SRGAP1: variants seen among roughly 807,000 people sequenced by gnomAD.
SRGAP1 encodes the protein SLIT-ROBO Rho GTPase-activating protein 1.
In SRGAP1, 43 loss-of-function variants were observed where a neutral mutation model predicts 121.9. The ratio of observed to expected loss-of-function variants is 0.35; its 90% CI spans 0.28 to 0.46. The LOEUF is 0.46. Among genes scored for constraint, SRGAP1 ranks in the 20% least tolerant of loss-of-function variants. The pLI, the probability that SRGAP1 is intolerant of heterozygous loss-of-function variation, is 1.00. For synonymous variants in SRGAP1, 447 were observed against 485.4 expected (o/e 0.92, Z 1.04); for missense variants, 1,102 against 1,350.9 (o/e 0.82, Z 2.89).
intron 3 of SRGAP1, among the ~76,000 whole-genome samples, chr12:64,014,566 C>T (rs987069321): frequency 6.6e-6 from 1 of 152,114 alleles, no homozygotes; most frequent in African/African-American, 2.4e-5. Flanking sequence ...CCCCATGACA[C>T]AAGTTTACCT....
rs1169089543 is a variant in SRGAP1 at position 64,153,991 on chromosome 12, CA to C, written c.*11321del. 6.6e-6 allele frequency: 1 copy of C among 152,094 alleles called. No homozygotes were observed. Among genetic ancestry groups the C allele is most frequent in the African/African-American group, 2.4e-5 (1 of 41,406 alleles). 9.4% of individuals were successfully genotyped at this position (152,094 alleles called of 1,614,324 possible). A position where few individuals can be genotyped will look rare whatever the true frequency, so the allele number is the denominator to read the frequency against. On this transcript the variant is annotated 3_prime_UTR_variant, in exon 22 of 22. Transcript: ENST00000355086. ...AAGAAGGAATTCCTGTCATATGCCA[CA>C]ATATGGATGAAACTTAAGGATACTA...
chr12:64,141,016 G>A (rs1394363336), intron 21 of SRGAP1, among the ~76,000 whole-genome samples: 41 of 122,420 alleles, frequency 3.3e-4, no homozygotes, highest in African/African-American at 1.1e-3. Flanking sequence ...GTAAACTATC[G>A]CAAGAACAAA....
Position 64,063,032 on chromosome 12 carries a change from T to C in SRGAP1, c.917T>C (p.Val306Ala). Residue 306 changes from valine to alanine, a missense_variant, in exon 7 of 22, where the codon GTT (valine) becomes GCT (alanine). Physicochemically the swap from Val to Ala is moderately conservative, Grantham distance 64 (BLOSUM62 0). Transcript: ENST00000355086. Reference sequence around the variant, plus strand: ...GGCTTAGACATTATTGAGAATGCAGTTGATAATTTAGAGCCCAGGAGCGAT... The same window carrying C: ...GGCTTAGACATTATTGAGAATGCAGCTGATAATTTAGAGCCCAGGAGCGAT... ...HEGLDIIENA[V>A]DNLEPRSDKQ... 6.2e-7 allele frequency: 1 copy of C among 1,614,082 alleles called. No individual in the cohort carries two copies. The highest frequency in any genetic ancestry group is 8.5e-7 in the Non-Finnish European group (1 of 1,179,982).
chr12:64,112,052 T>C, intron 17 of SRGAP1, 66 bp downstream of exon 17: 1 of 1,327,418 alleles, frequency 7.5e-7, no homozygotes, highest in Non-Finnish European at 1.1e-6. Flanking sequence ...ATCAATTTGA[T>C]TAGAAGAAAG....
At position 64,112,499 on chromosome 12, in the gene SRGAP1, T is replaced by C. The variant is rs149433958; in HGVS notation, c.2144+513T>C. 1.4e-4 allele frequency among the ~76,000 whole-genome samples: 22 copies of C among 152,330 alleles called. No homozygotes were observed. The East Asian group carries it at 4.1e-3, about 28-fold the overall frequency. On this transcript the variant is annotated intron_variant, in intron 17 of 21. Transcript: ENST00000355086. ...ATTTTGAGCAAATTTATTATATTAA[T>C]ATATTTTGGGGATAAAATTTTTAGC...
At chr12:64,095,415 C>G (rs886925863) in intron 14 of SRGAP1, among the ~76,000 whole-genome samples, 1 of 152,166 alleles carries the variant, frequency 6.6e-6, no homozygotes, top group Non-Finnish European at 1.5e-5. Flanking sequence ...CATATGAGCT[C>G]TGCATCCTGG....
intron 4 of SRGAP1, among the ~76,000 whole-genome samples, chr12:64,019,558 C>G (rs1037865158): frequency 6.6e-6 from 1 of 152,152 alleles, no homozygotes; most frequent in African/African-American, 2.4e-5. Context: ...CTTCATATCA[C>G]TCATGCACAC....
Position 64,076,675 on chromosome 12 carries a change from C to T in SRGAP1, c.1126-2244C>T, listed in dbSNP as rs182649578. 5.9e-5 allele frequency among the ~76,000 whole-genome samples: 9 copies of T among 151,928 alleles called. No homozygotes were observed. The East Asian group carries it at 1.7e-3, about 29-fold the overall frequency. ...AAAATTTTTTTTTTTGAGACAGAGT[C>T]TCACTTTTTCGCCCAGGCTGGAGTG... On this transcript the variant is annotated intron_variant, in intron 8 of 21. Coordinates refer to ENST00000355086, the MANE Select transcript of SRGAP1 (RefSeq NM_020762.4).
In SRGAP1 at chr12:64,065,138, GCAGCCAGTC is replaced by G; in HGVS notation, c.1048_1056del (p.Pro350_Gln352del). 1 of 1,613,250 alleles carries G rather than the reference GCAGCCAGTC, an allele frequency of 6.2e-7. No individual in the cohort carries two copies. Among genetic ancestry groups the G allele is most frequent in the Non-Finnish European group, 8.5e-7 (1 of 1,179,782 alleles). ...ATCAGGTGTGCCAGGTCAGTGCCCA[GCAGCCAGTC>G]CAGGCAGAGCTCATGCTCAGGTACC... On this transcript the variant is annotated inframe_deletion, in exon 8 of 22. Transcript: ENST00000355086.
chr12:64,087,764 A>G (rs1466092715), intron 11 of SRGAP1, among the ~76,000 whole-genome samples: 1 of 152,136 alleles, frequency 6.6e-6, no homozygotes, highest in Non-Finnish European at 1.5e-5. Context: ...AAAAATAAAA[A>G]TTTGAGCTAT....
chr12:63,976,901 G>A (rs1370212303), intron 1 of SRGAP1, among the ~76,000 whole-genome samples: 1 of 151,978 alleles, frequency 6.6e-6, no homozygotes, highest in Non-Finnish European at 1.5e-5. Context: ...AATTCAATTT[G>A]GTAAATTGAA....
intron 1 of SRGAP1, among the ~76,000 whole-genome samples, chr12:63,864,464 G>T (rs1197105644): frequency 6.6e-6 from 1 of 152,094 alleles, no homozygotes; most frequent in African/African-American, 2.4e-5. Context: ...GAGTCAAACT[G>T]CTAGGGTCTA....
intron 1 of SRGAP1, among the ~76,000 whole-genome samples, chr12:63,892,001 A>G (rs1458567664): frequency 1.3e-5 from 2 of 149,062 alleles, no homozygotes; most frequent in Non-Finnish European, 3.0e-5. Flanking sequence ...AAAAAAAAAG[A>G]AAAAAAGAAA....
chr12:64,114,363 C>T (rs2036484562), intron 17 of SRGAP1, among the ~76,000 whole-genome samples: 2 of 102,344 alleles, frequency 2.0e-5, no homozygotes, highest in African/African-American at 3.9e-5. Context: ...TTTTTGGAGA[C>T]AGAGTTTCAC....
chr12:64,064,734 G>C (rs911331559), intron 7 of SRGAP1, among the ~76,000 whole-genome samples: 1 of 152,166 alleles, frequency 6.6e-6, no homozygotes, highest in African/African-American at 2.4e-5. Context: ...ACCCTAACCA[G>C]TAAGCCCTGC....
chr12:64,025,789 C>T (rs926404842), intron 4 of SRGAP1, among the ~76,000 whole-genome samples: 1 of 152,178 alleles, frequency 6.6e-6, no homozygotes, highest in Admixed American at 6.5e-5. Context: ...TCTCTGTGAG[C>T]AACTTCTGAA....
intron 8 of SRGAP1, among the ~76,000 whole-genome samples, chr12:64,065,860 T>C (rs2035530756): frequency 6.6e-6 from 1 of 152,218 alleles, no homozygotes. Context: ...GGTACTTGAA[T>C]GAGGATAGAA....
At chr12:63,916,196 C>T (rs2030771401) in intron 1 of SRGAP1, among the ~76,000 whole-genome samples, 1 of 151,792 alleles carries the variant, frequency 6.6e-6, no homozygotes. Context: ...ACCATGCCTG[C>T]CTGATTTTTC....
intron 1 of SRGAP1, among the ~76,000 whole-genome samples, chr12:63,905,881 C>G (rs1168904666): frequency 6.6e-6 from 1 of 152,186 alleles, no homozygotes; most frequent in Non-Finnish European, 1.5e-5. Context: ...AGGTTAGACT[C>G]AATCAGACCC....
Sources: allele counts gnomAD v4.1 joint callset (sites outside exome capture counted in the v4.1 genomes callset), GRCh38; gene constraint gnomAD v4.1.1; transcripts MANE v1.5; gene names NCBI Gene and HGNC (gene_info 2026-07-23, HGNC 2026-07-21).